The following IL1RAPL1 variants were observed in gnomAD, a reference collection of about 807,000 sequenced individuals.
IL1RAPL1 encodes interleukin-1 receptor accessory protein-like 1.
IL1RAPL1 carries 3 observed loss-of-function variants against 48.4 expected under a neutral mutation model. The observed-to-expected ratio is 0.06, with a 90% confidence interval of 0.03 to 0.16. The LOEUF is 0.16. Ranked by LOEUF, IL1RAPL1 falls within the 10% of genes least tolerant of loss-of-function variation. The probability of loss-of-function intolerance (pLI) is 1.00; values close to 1 mark genes in which losing one functional copy is unlikely to be tolerated. For missense variants in IL1RAPL1, 349 were observed against 530.6 expected, an observed-to-expected ratio of 0.66 and a Z score of 3.36; for synonymous variants, 185 against 187.7, an observed-to-expected ratio of 0.99 and a Z score of 0.12.
rs781617132 is a variant in IL1RAPL1, at chrX:28,947,847, G to A, written c.82+158422G>A. ...TGGAAATTTTATATTTGTTTTTGGTGCTCACTGAAAGCTTCGAGAAATGTA... is the reference window on the plus strand; with the variant it reads ...TGGAAATTTTATATTTGTTTTTGGTACTCACTGAAAGCTTCGAGAAATGTA... On this transcript the variant is annotated intron_variant, in intron 2 of 10. Coordinates refer to ENST00000378993, the MANE Select transcript of IL1RAPL1 (RefSeq NM_014271.4). Among the ~76,000 whole-genome samples the A allele has an allele frequency of 2.7e-5, 3 of 111,684 alleles. No homozygotes were observed. In the South Asian group the frequency reaches 1.1e-3, roughly 41 times the overall value.
At chrX:29,758,670 T>G (rs2147144291) in intron 6 of IL1RAPL1, among the ~76,000 whole-genome samples, 1 of 107,587 alleles carries the variant, frequency 9.3e-6, no homozygotes, top group Non-Finnish European at 1.9e-5. Flanking sequence ...CACTCCAGCC[T>G]GTGCAACAAG....
chrX:29,473,454 A>G (rs903748697), intron 5 of IL1RAPL1, among the ~76,000 whole-genome samples: 6 of 110,919 alleles, frequency 5.4e-5, no homozygotes, highest in African/African-American at 2.0e-4. Flanking sequence ...TTTTTACTCT[A>G]TGCTTTCTCA....
intron 2 of IL1RAPL1, among the ~76,000 whole-genome samples, chrX:29,120,075 G>A (rs1035452659): frequency 1.8e-5 from 2 of 111,653 alleles, no homozygotes; most frequent in East Asian, 2.8e-4. Flanking sequence ...CACTTGTGAA[G>A]CTAACAGTCT....
rs200069309 is a variant in IL1RAPL1 at position 28,648,707 on chromosome X, G to A, written c.-25+60660G>A. Among the ~76,000 whole-genome samples the A allele has an allele frequency of 9.8e-5, 11 of 111,817 alleles. No homozygotes were observed. In the South Asian group the frequency reaches 1.9e-3, roughly 19 times the overall value. The stretch of plus-strand genomic sequence containing the variant: ...GTCTAGGATTGGTGAAAACAGGAAA[G>A]CCAGGATTTTGAGACAGGATTTCAA... On this transcript the variant is annotated intron_variant, in intron 1 of 10. Transcript: ENST00000378993.
At chrX:29,274,102 G>A (rs1057289584) in intron 2 of IL1RAPL1, among the ~76,000 whole-genome samples, 1 of 110,890 alleles carries the variant, frequency 9.0e-6, no homozygotes, top group African/African-American at 3.3e-5. Flanking sequence ...TTATGAAAAT[G>A]CTATGAAAAT....
chrX:29,048,146 G>T (rs1452216563), intron 2 of IL1RAPL1, among the ~76,000 whole-genome samples: 1 of 111,347 alleles, frequency 9.0e-6, no homozygotes, highest in East Asian at 2.8e-4. Flanking sequence ...CCATATTAGT[G>T]TCTCATTCTA....
intron 6 of IL1RAPL1, among the ~76,000 whole-genome samples, chrX:29,789,582 T>C (rs889983036): frequency 4.5e-5 from 5 of 111,634 alleles, no homozygotes; most frequent in African/African-American, 1.6e-4. Context: ...AAAAATTCAA[T>C]TTGTTTGTTT....
intron 1 of IL1RAPL1, among the ~76,000 whole-genome samples, chrX:28,684,573 GA>G (rs1185448651): frequency 2.7e-5 from 3 of 111,769 alleles, no homozygotes; most frequent in African/African-American, 9.7e-5. Flanking sequence ...TTTCTATTCA[GA>G]AAAAAACAAG....
chrX:28,588,248 ATGTG>A (rs1933870614), intron 1 of IL1RAPL1, among the ~76,000 whole-genome samples: 1 of 76,878 alleles, frequency 1.3e-5, no homozygotes, highest in Non-Finnish European at 2.7e-5. Context: ...GTGTGTGTGT[ATGTG>A]TGTGTGCGTG....
intron 2 of IL1RAPL1, among the ~76,000 whole-genome samples, chrX:28,814,341 T>TTTTGTG (rs1555926315): frequency 5.6e-5 from 5 of 89,749 alleles, no homozygotes; most frequent in African/African-American, 2.1e-4. Flanking sequence ...ATTTTCAGGT[T>TTTTGTG]TGTGTGTGTG....
At chrX:29,858,972 C>T (rs1346837373) in intron 6 of IL1RAPL1, among the ~76,000 whole-genome samples, 1 of 111,189 alleles carries the variant, frequency 9.0e-6, no homozygotes, top group East Asian at 2.8e-4. Context: ...CTGTGAGTCA[C>T]TCTATCCTTA....
chrX:29,568,897 G>A (rs772692695), intron 5 of IL1RAPL1, among the ~76,000 whole-genome samples: 16 of 111,145 alleles, frequency 1.4e-4, no homozygotes, highest in Non-Finnish European at 2.6e-4. Context: ...ATCCAGCCCA[G>A]TGTCACTTGA....
chrX:28,878,551 A>G (rs1922429878), intron 2 of IL1RAPL1, among the ~76,000 whole-genome samples: 1 of 111,936 alleles, frequency 8.9e-6, no homozygotes, highest in Admixed American at 9.5e-5. Context: ...TTTTATCCAG[A>G]TTAGTCAGAG....
rs547117572 is a variant in IL1RAPL1, at chrX:28,987,792, G to T, written c.82+198367G>T. 7.1e-5 allele frequency among the ~76,000 whole-genome samples: 8 copies of T among 112,052 alleles called. No individual in the cohort carries two copies. In the South Asian group the frequency reaches 3.0e-3, roughly 42 times the overall value. On this transcript the variant is annotated intron_variant, in intron 2 of 10. Coordinates refer to ENST00000378993, the MANE Select transcript of IL1RAPL1 (RefSeq NM_014271.4). ...CCAAATATGTGAATTGACTTTGTCAGTCATTAAAGTAAGTGTGCTGAATGC... is the reference window on the plus strand; with the variant it reads ...CCAAATATGTGAATTGACTTTGTCATTCATTAAAGTAAGTGTGCTGAATGC...
At chrX:28,690,506 A>G (rs776162976) in intron 1 of IL1RAPL1, among the ~76,000 whole-genome samples, 1 of 111,755 alleles carries the variant, frequency 8.9e-6, no homozygotes, top group African/African-American at 3.2e-5. Flanking sequence ...TTTGGTGAAC[A>G]GCTCTCATGA....
intron 2 of IL1RAPL1, among the ~76,000 whole-genome samples, chrX:29,021,711 A>G (rs751439246): frequency 9.0e-6 from 1 of 111,599 alleles, no homozygotes; most frequent in Non-Finnish European, 1.9e-5. Context: ...TTAATCTGCT[A>G]TTTATTCACT....
intron 9 of IL1RAPL1, among the ~76,000 whole-genome samples, chrX:29,946,272 T>A (rs1024569686): frequency 8.9e-6 from 1 of 112,102 alleles, no homozygotes; most frequent in Non-Finnish European, 1.9e-5. Flanking sequence ...GCTAGAACAG[T>A]CTAGACTTAG....
chrX:29,131,037 G>A (rs994037844), intron 2 of IL1RAPL1, among the ~76,000 whole-genome samples: 1 of 111,692 alleles, frequency 9.0e-6, no homozygotes, highest in Non-Finnish European at 1.9e-5. Flanking sequence ...CAGACACTGC[G>A]GAGAAGAAAA....
chrX:28,710,326 AAGG>A (rs1466496529), intron 1 of IL1RAPL1, among the ~76,000 whole-genome samples: 1 of 106,997 alleles, frequency 9.3e-6, no homozygotes, highest in Non-Finnish European at 1.9e-5. Flanking sequence ...ATAAAAAGAA[AAGG>A]AGATCAGGTA....
Sources: allele counts gnomAD v4.1 joint callset (sites outside exome capture counted in the v4.1 genomes callset), GRCh38; gene constraint gnomAD v4.1.1; transcripts MANE v1.5; gene names NCBI Gene and HGNC (gene_info 2026-07-23, HGNC 2026-07-21).